MEGF9: variants seen among roughly 807,000 people sequenced by gnomAD.
MEGF9 encodes multiple EGF like domains 9.
Under a neutral mutation model 46.8 loss-of-function variants are expected in MEGF9, and 6 were observed. The observed-to-expected ratio is 0.13, with a 90% CI of 0.07 to 0.25. The LOEUF (loss-of-function observed/expected upper bound fraction) is 0.25. MEGF9 is among the 10% of genes least tolerant of loss of function. The pLI is 1.00. For synonymous variants in MEGF9, 302 were observed against 330.7 expected, an observed-to-expected ratio of 0.91 and a Z score of 0.94; for missense variants, 683 against 792.4, an observed-to-expected ratio of 0.86 and a Z score of 1.66.
In MEGF9 at chr9:120,665,159, C is replaced by T. The variant is rs113379561; in HGVS notation, c.602-5584G>A. On this transcript the variant is annotated intron_variant, in intron 1 of 5. Transcript: ENST00000373930. ...TTATATCCATTAACCAATCTCCTCC[C>T]ATCCTTCCTTCTCACCTACCCTTCA... 1.5e-3 allele frequency among the ~76,000 whole-genome samples: 227 copies of T among 152,252 alleles called. 1 individual carries two copies. The highest frequency in any genetic ancestry group is 5.1e-3 in the African/African-American group (214 of 41,554).
chr9:120,636,360 T>A (rs908273270), intron 2 of MEGF9, among the ~76,000 whole-genome samples: 71 of 152,312 alleles, frequency 4.7e-4, no homozygotes, highest in Middle Eastern at 6.8e-3. Flanking sequence ...AGTGGTATAG[T>A]CTTCATGAAG....
At chr9:120,646,162 G>A (rs774831289) in intron 2 of MEGF9, among the ~76,000 whole-genome samples, 7 of 151,980 alleles carry the variant, frequency 4.6e-5, no homozygotes, top group Non-Finnish European at 1.0e-4. Flanking sequence ...TGACTCTTCT[G>A]ACTACTCTCC....
rs145726032 is a variant in MEGF9, at chr9:120,655,607, CA to C, written c.803+3766del. Among the ~76,000 whole-genome samples the C allele has an allele frequency of 3.5e-3, 528 of 152,242 alleles. 6 individuals are homozygous for C. The highest frequency in any genetic ancestry group is 0.012 in the African/African-American group (505 of 41,556). On this transcript the variant is annotated intron_variant, in intron 2 of 5. Transcript: ENST00000373930. The stretch of plus-strand genomic sequence containing the variant: ...TCACATATTCCACATGAGATACTAA[CA>C]AAAAACCTATTTATCAATTTTAAAT...
rs2043411535 is a variant in MEGF9, at chr9:120,604,533, G to A, written c.*657C>T. On this transcript the variant is annotated 3_prime_UTR_variant, in exon 6 of 6. Transcript: ENST00000373930. Reference sequence around the variant, plus strand: ...AATTTATCATTTACACTGAGACCCTGAGGAGGACCATCAGCCTCCTGCTCC... The same window carrying A: ...AATTTATCATTTACACTGAGACCCTAAGGAGGACCATCAGCCTCCTGCTCC... 6.5e-6 allele frequency: 1 copy of A among 152,896 alleles called. No individual in the cohort carries two copies. The highest frequency in any genetic ancestry group is 1.5e-5 in the Non-Finnish European group (1 of 68,330). 9.5% of individuals were successfully genotyped at this position (152,896 alleles called of 1,614,324 possible).
At chr9:120,612,874 T>C (rs973055654) in intron 3 of MEGF9, among the ~76,000 whole-genome samples, 1 of 150,296 alleles carries the variant, frequency 6.7e-6, no homozygotes, top group African/African-American at 2.4e-5. Context: ...ATAGATAAAT[T>C]GTGGCATTTT....
intron 2 of MEGF9, among the ~76,000 whole-genome samples, chr9:120,639,508 TAAA>T (rs61638928): frequency 5.7e-5 from 6 of 105,166 alleles, no homozygotes; most frequent in African/African-American, 7.7e-5. Flanking sequence ...ACTCCGTCTT[TAAA>T]AAAAAAAAAA....
chr9:120,673,584 C>CTT (rs146146395), intron 1 of MEGF9, among the ~76,000 whole-genome samples: 4 of 142,842 alleles, frequency 2.8e-5, no homozygotes, highest in East Asian at 2.0e-4. Context: ...AGAAAGGATG[C>CTT]TTTTTTTTTT....
chr9:120,643,329 A>G lies in MEGF9; in HGVS notation c.803+16045T>C, dbSNP rs376434001. On this transcript the variant is annotated intron_variant, in intron 2 of 5. Coordinates refer to ENST00000373930, the MANE Select transcript of MEGF9 (RefSeq NM_001080497.3). Reference sequence around the variant, plus strand: ...TCTCTGTGGGAACAAGAGGCCTTCTATTTTAGCCTAAGTCTACTAACATGA... The same window carrying G: ...TCTCTGTGGGAACAAGAGGCCTTCTGTTTTAGCCTAAGTCTACTAACATGA... 8.3e-4 allele frequency among the ~76,000 whole-genome samples: 126 copies of G among 152,320 alleles called. 1 individual carries two copies. Among genetic ancestry groups the G allele is most frequent in the African/African-American group, 2.9e-3 (119 of 41,574 alleles).
intron 1 of MEGF9, among the ~76,000 whole-genome samples, chr9:120,704,896 G>A (rs2043921393): frequency 6.6e-6 from 1 of 151,948 alleles, no homozygotes; most frequent in African/African-American, 2.4e-5. Flanking sequence ...ATTATATACT[G>A]GTATGCATCT....
chr9:120,691,809 T>G (rs2043849745), intron 1 of MEGF9, among the ~76,000 whole-genome samples: 1 of 152,184 alleles, frequency 6.6e-6, no homozygotes, highest in Non-Finnish European at 1.5e-5. Flanking sequence ...ACTTCAAGGC[T>G]GAACATTACC....
intron 2 of MEGF9, among the ~76,000 whole-genome samples, chr9:120,648,833 G>A (rs2043636460): frequency 1.3e-5 from 2 of 152,152 alleles, no homozygotes; most frequent in Admixed American, 6.5e-5. Context: ...GTAAGCCTCC[G>A]AGGTGTTTTG....
intron 2 of MEGF9, among the ~76,000 whole-genome samples, chr9:120,630,490 T>G (rs552072849): frequency 6.6e-6 from 1 of 152,338 alleles, no homozygotes; most frequent in African/African-American, 2.4e-5. Context: ...AATATCTCTT[T>G]GGCATACTAA....
At chr9:120,625,936 C>T (rs868200225) in intron 2 of MEGF9, among the ~76,000 whole-genome samples, 1 of 151,778 alleles carries the variant, frequency 6.6e-6, no homozygotes, top group South Asian at 2.1e-4. Context: ...TACAACACTC[C>T]CTTTCATGGT....
At chr9:120,638,744 G>C (rs1310387873) in intron 2 of MEGF9, among the ~76,000 whole-genome samples, 1 of 152,216 alleles carries the variant, frequency 6.6e-6, no homozygotes, top group Non-Finnish European at 1.5e-5. Flanking sequence ...CTTCTGATTA[G>C]TAATGAGATG....
At chr9:120,645,320 T>C (rs2043620859) in intron 2 of MEGF9, among the ~76,000 whole-genome samples, 2 of 152,180 alleles carry the variant, frequency 1.3e-5, no homozygotes, top group Non-Finnish European at 2.9e-5. Context: ...AGACCTAATT[T>C]AGAGCATCCT....
At chr9:120,683,596 T>C (rs1257433694) in intron 1 of MEGF9, among the ~76,000 whole-genome samples, 3 of 152,198 alleles carry the variant, frequency 2.0e-5, no homozygotes, top group Non-Finnish European at 4.4e-5. Flanking sequence ...TCCTGAGGCC[T>C]CCCCAGGCAT....
intron 2 of MEGF9, among the ~76,000 whole-genome samples, chr9:120,654,249 C>T (rs960229513): frequency 1.3e-5 from 2 of 152,054 alleles, no homozygotes; most frequent in African/African-American, 4.8e-5. Flanking sequence ...TAATATAAAA[C>T]CATGTGTTAC....
At chr9:120,708,442 C>CA (rs2132347063) in intron 1 of MEGF9, among the ~76,000 whole-genome samples, 1 of 152,280 alleles carries the variant, frequency 6.6e-6, no homozygotes, top group South Asian at 2.1e-4. Flanking sequence ...TCATGGTAGT[C>CA]AGAGTTTTCA....
intron 1 of MEGF9, among the ~76,000 whole-genome samples, chr9:120,689,505 G>GA (rs1235730570): frequency 1.4e-4 from 22 of 152,120 alleles, no homozygotes; most frequent in Middle Eastern, 6.8e-3. Context: ...ATGGACCAGG[G>GA]AAAGAATGAA....
Sources: gnomAD v4.1 joint callset for allele counts (sites outside exome capture counted in the v4.1 genomes callset) on GRCh38, gnomAD v4.1.1 for gene constraint, MANE v1.5 for transcripts, NCBI Gene and HGNC (gene_info 2026-07-23, HGNC 2026-07-21) for gene names.